ERV3-1: variants seen among roughly 807,000 people sequenced by gnomAD.
ERV3-1 encodes endogenous retrovirus group 3 member 1 Env polyprotein.
A neutral mutation model predicts 24.6 loss-of-function variants in ERV3-1; 36 were observed. The ratio of observed to expected loss-of-function variants is 1.47; its 90% confidence interval spans 1.12 to 1.94. The LOEUF is 1.94. ERV3-1 is among the 30% of genes most tolerant of loss of function. The pLI, the probability that ERV3-1 is intolerant of heterozygous loss-of-function variation, is 0.00. For missense variants in ERV3-1, 578 were observed against 330.9 expected (o/e 1.75, Z -5.79); for synonymous variants, 211 against 122.6 (o/e 1.72, Z -4.76).
intron 1 of ERV3-1, among the ~76,000 whole-genome samples, chr7:64,997,060 C>T (rs187858731): frequency 1.3e-5 from 2 of 152,350 alleles, no homozygotes; most frequent in East Asian, 3.9e-4. Context: ...AGTGTCCCCT[C>T]TTTTTGCATT....
At chr7:64,997,553 A>G (rs1393706059) in intron 1 of ERV3-1, among the ~76,000 whole-genome samples, 2 of 152,128 alleles carry the variant, frequency 1.3e-5, no homozygotes, top group Non-Finnish European at 2.9e-5. Flanking sequence ...AGTGCCTCCC[A>G]GTACCTCTGT....
At chr7:64,995,836 T>C (rs934806715) in intron 1 of ERV3-1, among the ~76,000 whole-genome samples, 1 of 152,228 alleles carries the variant, frequency 6.6e-6, no homozygotes, top group Non-Finnish European at 1.5e-5. Context: ...AGGTTGTCTA[T>C]GTACTGCAAC....
At chr7:64,994,552 T>A (rs1055726662) in intron 1 of ERV3-1, among the ~76,000 whole-genome samples, 1 of 152,232 alleles carries the variant, frequency 6.6e-6, no homozygotes, top group African/African-American at 2.4e-5. Context: ...TCTGCCTTTC[T>A]GTTTCCTTTT....
chr7:64,992,922 C>T lies in ERV3-1; in HGVS notation c.105G>A (p.Thr35=), dbSNP rs369547507. The T allele has an allele frequency of 1.0e-4, 77 of 766,392 alleles. No individual in the cohort carries two copies. The highest frequency in any genetic ancestry group is 4.5e-4 in the Middle Eastern group (2 of 4,440). 47.5% of individuals were successfully genotyped at this position (766,392 alleles called of 1,614,324 possible). The change falls in exon 2 of 2, where the codon ACG becomes ACA. Residue 35 remains threonine (T), a synonymous_variant. Transcript: ENST00000394323. ...TTTTAGTCATGATGTTCCCCGACCA[C>T]GTAGTGTGGGTGCAGTGGAGGCATC... ...WEGCLHCTHT[T]WSGNIMTKTL...
rs962605838 is a variant in ERV3-1, at chr7:64,992,545, G to A, written c.482C>T (p.Pro161Leu). ...YAHPACSTDS[P>L]VTTCWDCTTW... is the part of the protein sequence containing the mutation. ...TGTGCAGTCCCAGCAAGTTGTTACT[G>A]GGGAATCGGTGGAACAAGCAGGGTG... The change falls in exon 2 of 2, where the codon CCA becomes CTA. Residue 161 changes from proline (P) to leucine (L), a missense_variant. Pro to Leu is a moderately conservative substitution (Grantham distance 98). Coordinates refer to ENST00000394323, the MANE Select transcript of ERV3-1 (RefSeq NM_001007253.4). 1.3e-6 allele frequency: 1 copy of A among 766,412 alleles called. No homozygotes were observed. The highest frequency in any genetic ancestry group is 1.7e-5 in the Admixed American group (1 of 59,032). 47.5% of individuals were successfully genotyped at this position (766,412 alleles called of 1,614,324 possible).
intron 1 of ERV3-1, among the ~76,000 whole-genome samples, chr7:64,994,603 T>C (rs879707678): frequency 3.3e-5 from 5 of 152,218 alleles, no homozygotes; most frequent in South Asian, 2.1e-4. Context: ...CTGCAGTGCA[T>C]AGCTGCTACT....
Position 64,990,587 on chromosome 7 carries a change from CCTTA to C in ERV3-1, c.*621_*624del, listed in dbSNP as rs1170232947. On this transcript the variant is annotated 3_prime_UTR_variant, in exon 2 of 2. Transcript: ENST00000394323. Reference sequence around the variant, plus strand: ...CAACAGGATTTGCAACATGAGCCTACCTTACTTAAACATGTCTTGTGACCTTGCC... The same window carrying C: ...CAACAGGATTTGCAACATGAGCCTACCTTAAACATGTCTTGTGACCTTGCC... 1 of 152,270 alleles carries C rather than the reference CCTTA, an allele frequency of 6.6e-6. No individual in the cohort carries two copies. The highest frequency in any genetic ancestry group is 1.5e-5 in the Non-Finnish European group (1 of 68,080). The allele number at this position is 152,270 out of a possible 1,614,324, so 9.4% of individuals were successfully genotyped here.
intron 1 of ERV3-1, among the ~76,000 whole-genome samples, chr7:65,000,292 T>C (rs1481903671): frequency 6.6e-6 from 1 of 152,206 alleles, no homozygotes; most frequent in East Asian, 1.9e-4. Flanking sequence ...GCTCAATCTC[T>C]GCTCACTGCA....
intron 1 of ERV3-1, among the ~76,000 whole-genome samples, chr7:64,995,365 T>C (rs543537391): frequency 1.3e-4 from 20 of 152,334 alleles, no homozygotes; most frequent in African/African-American, 4.1e-4. Context: ...AGGACCCCTA[T>C]AGCCATTCCC....
At chr7:64,997,234 CTCTT>C (rs1330914868) in intron 1 of ERV3-1, among the ~76,000 whole-genome samples, 3 of 152,182 alleles carry the variant, frequency 2.0e-5, no homozygotes, top group African/African-American at 7.2e-5. Flanking sequence ...TGATCAGCCT[CTCTT>C]TGTCTCCTGG....
At position 64,991,388 on chromosome 7, in the gene ERV3-1, T is replaced by C. The variant is rs1199348547; in HGVS notation, c.1639A>G (p.Ile547Val). 1.4e-6 allele frequency: 1 copy of C among 704,068 alleles called. No individual in the cohort carries two copies. Among genetic ancestry groups the C allele is most frequent in the South Asian group, 1.5e-5 (1 of 67,602 alleles). 43.6% of individuals were successfully genotyped at this position (704,068 alleles called of 1,614,324 possible). ...TCTAAGGCCAGTCTATTTTGATAAATGACATTTCTCATTTTTGTGGCTTGC... is the reference window on the plus strand; with the variant it reads ...TCTAAGGCCAGTCTATTTTGATAAACGACATTTCTCATTTTTGTGGCTTGC... ...AQQATKMRNV[I>V]YQNRLALDYL... Residue 547 changes from isoleucine (I) to valine (V), a missense_variant, in exon 2 of 2, where the codon ATT (isoleucine) becomes GTT (valine). Transcript: ENST00000394323.
rs941532957 is a variant in ERV3-1 at position 64,991,549 on chromosome 7, C to A, written c.1478G>T (p.Gly493Val). Residue 493 changes from glycine (G) to valine (V), a missense_variant, in exon 2 of 2, where the codon GGC (glycine) becomes GTC (valine). Coordinates refer to ENST00000394323, the MANE Select transcript of ERV3-1 (RefSeq NM_001007253.4). ...TCCATCTTCTGCCCAGGTGGCTGGG[C>A]CATAATATTGAATTATTCTTTCAGG... ...WPPERIIQYY[G>V]PATWAEDGMW... 2.8e-6 allele frequency: 2 copies of A among 703,960 alleles called. No individual in the cohort carries two copies. The highest frequency in any genetic ancestry group is 5.2e-6 in the Non-Finnish European group (2 of 384,994). The allele number at this position is 703,960 out of a possible 1,614,324, so 43.6% of individuals were successfully genotyped here. A position where few individuals can be genotyped will look rare whatever the true frequency, so the allele number is the denominator to read the frequency against.
chr7:65,001,614 G>C (rs1786526093), intron 1 of ERV3-1, among the ~76,000 whole-genome samples: 1 of 152,178 alleles, frequency 6.6e-6, no homozygotes, highest in South Asian at 2.1e-4. Flanking sequence ...CTCTCTCACA[G>C]TGGGAGTGGG....
In ERV3-1 at chr7:64,992,207, T is replaced by A; in HGVS notation, c.820A>T (p.Asn274Tyr). 1 of 766,326 alleles carries A rather than the reference T, an allele frequency of 1.3e-6. No homozygotes were observed. The allele number at this position is 766,326 out of a possible 1,614,324, so 47.5% of individuals were successfully genotyped here. ...KLPEPPPLAS[N>Y]LFAQLAENIA... ...TTTTCAGCCAGTTGGGCGAATAAAT[T>A]ACTGGCCAAGGGAGGGGGCTCAGGC... Residue 274 changes from asparagine to tyrosine, a missense_variant, in exon 2 of 2, where the codon AAT becomes TAT. By Grantham distance (143) the Asn-to-Tyr change is moderately radical. Transcript: ENST00000394323.
Position 64,991,970 on chromosome 7 carries a change from AG to A in ERV3-1, c.1056del (p.Phe353LeufsTer5), listed in dbSNP as rs1262780435. 1.3e-6 allele frequency: 1 copy of A among 766,358 alleles called. No homozygotes were observed. 47.5% of individuals were successfully genotyped at this position (766,358 alleles called of 1,614,324 possible). ...GTTAACTCTCCTACTGGGTCTGTAA[AG>A]GCCTTTCCCCAGCGAGCAATACAGA... ...GKFCIARWGK[A>X]FTDPVGELTC... On this transcript the variant is annotated frameshift_variant, in exon 2 of 2. Coordinates refer to ENST00000394323, the MANE Select transcript of ERV3-1 (RefSeq NM_001007253.4). LOFTEE classifies it high-confidence loss of function.
At chr7:64,997,866 A>C (rs1229085049) in intron 1 of ERV3-1, among the ~76,000 whole-genome samples, 1 of 152,134 alleles carries the variant, frequency 6.6e-6, no homozygotes, top group East Asian at 1.9e-4. Flanking sequence ...TTAGGAGATC[A>C]GTGGTTGAAA....
At position 64,991,815 on chromosome 7, in the gene ERV3-1, T is replaced by C. The variant is rs1451436295; in HGVS notation, c.1212A>G (p.Gln404=). 5.2e-6 allele frequency: 4 copies of C among 766,014 alleles called. No individual in the cohort carries two copies. In the Admixed American group the frequency reaches 6.8e-5, roughly 13 times the overall value. 47.5% of individuals were successfully genotyped at this position (766,014 alleles called of 1,614,324 possible). A position where few individuals can be genotyped will look rare whatever the true frequency, so the allele number is the denominator to read the frequency against. ...RFPSLNHSWY[Q]LEAPNTWQAP... ...CCTGCCAGGTATTTGGAGCTTCAAG[T>C]TGGTACCAAGAATGGTTTAAAGATG... Residue 404 remains glutamine (Q), a synonymous_variant, in exon 2 of 2, where the codon CAA becomes CAG. Coordinates refer to ENST00000394323, the MANE Select transcript of ERV3-1 (RefSeq NM_001007253.4).
At chr7:64,997,384 T>C (rs1387273097) in intron 1 of ERV3-1, among the ~76,000 whole-genome samples, 3 of 152,210 alleles carry the variant, frequency 2.0e-5, no homozygotes, top group Non-Finnish European at 4.4e-5. Flanking sequence ...CACCATGCAC[T>C]GGTTCTCAGT....
At chr7:64,999,258 C>T (rs145599979) in intron 1 of ERV3-1, among the ~76,000 whole-genome samples, 86 of 152,330 alleles carry the variant, frequency 5.6e-4, no homozygotes, top group African/African-American at 1.9e-3. Context: ...CCTTGGGTCA[C>T]GGGTCTCCCC....
Sources: gnomAD v4.1 joint callset for allele counts (sites outside exome capture counted in the v4.1 genomes callset) on GRCh38, gnomAD v4.1.1 for gene constraint, MANE v1.5 for transcripts, NCBI Gene and HGNC (gene_info 2026-07-23, HGNC 2026-07-21) for gene names.